The following ST7L variants were observed in gnomAD, a reference collection of about 807,000 sequenced individuals.
ST7L encodes the protein suppressor of tumorigenicity 7 protein-like.
In ST7L, 57 loss-of-function variants were observed where a neutral mutation model predicts 72.5. That is an observed-to-expected ratio of 0.79 (90% CI 0.64 to 0.98). The LOEUF is 0.98. Ranked by LOEUF, ST7L falls within the 50% of genes least tolerant of loss-of-function variation. The probability of loss-of-function intolerance (pLI) is 0.00; values close to 1 mark genes in which losing one functional copy is unlikely to be tolerated. For missense variants in ST7L, 576 were observed against 672.2 expected, an observed-to-expected ratio of 0.86 and a Z score of 1.58; for synonymous variants, 221 against 240.9, an observed-to-expected ratio of 0.92 and a Z score of 0.77.
At chr1:112,609,751 A>G (rs1668786799) in intron 3 of ST7L, among the ~76,000 whole-genome samples, 1 of 149,718 alleles carries the variant, frequency 6.7e-6, no homozygotes, top group Non-Finnish European at 1.5e-5. Context: ...TGAACTTGGA[A>G]GGAGAGGTTG....
chr1:112,618,694 C>A, intron 1 of ST7L: 2 of 1,009,686 alleles, frequency 2.0e-6, no homozygotes, highest in Non-Finnish European at 2.8e-6. Context: ...AGAGAGAGGG[C>A]GGACCTTAAG....
At chr1:112,542,393 A>G (rs1656249910) in intron 13 of ST7L, among the ~76,000 whole-genome samples, 1 of 152,094 alleles carries the variant, frequency 6.6e-6, no homozygotes, top group Admixed American at 6.6e-5. Flanking sequence ...TAGCTATGTG[A>G]TCTTGAATAA....
rs554500845 is a variant in ST7L at position 112,552,264 on chromosome 1, C to A, written c.1397-1571G>T. Among the ~76,000 whole-genome samples the A allele has an allele frequency of 1.0e-3, 83 of 82,390 alleles. No homozygotes were observed. The African/African-American group carries it at 0.011, about 11-fold the overall frequency. 54.1% of individuals were successfully genotyped at this position (82,390 alleles called of 152,430 possible). ...TGGCTGGAAATCTGTTTTTTTTCCC[C>A]CCGATCAACATTATAATGAAATAAT... On this transcript the variant is annotated intron_variant, in intron 12 of 14. Coordinates refer to ENST00000358039, the MANE Select transcript of ST7L (RefSeq NM_017744.5).
At chr1:112,618,734 A>C (rs913804125) in intron 1 of ST7L, 175 bp downstream of exon 1, 24 of 1,326,518 alleles carry the variant, frequency 1.8e-5, no homozygotes, top group Admixed American at 2.9e-5. Flanking sequence ...TAACGGCAGC[A>C]GGCTTGTCAA....
intron 1 of ST7L, 104 bp downstream of exon 1, chr1:112,618,805 C>T: frequency 1.4e-6 from 2 of 1,478,342 alleles, no homozygotes; most frequent in Non-Finnish European, 1.8e-6. Flanking sequence ...TCATCGACTC[C>T]TCAGAGGCCC....
intron 11 of ST7L, among the ~76,000 whole-genome samples, chr1:112,575,300 G>A (rs1662930027): frequency 6.6e-6 from 1 of 152,184 alleles, no homozygotes; most frequent in African/African-American, 2.4e-5. Context: ...AAGACTCCCA[G>A]TGGATATCTG....
intron 14 of ST7L, among the ~76,000 whole-genome samples, chr1:112,534,134 T>C (rs12728001): frequency 0.51 from 78,003 of 151,990 alleles, 20,444 homozygotes; most frequent in East Asian, 0.64. Context: ...TCCACATCAG[T>C]ATCTTCATTT....
At chr1:112,611,181 T>C (rs1454165006) in intron 2 of ST7L, among the ~76,000 whole-genome samples, 178 bp from the exon 3 acceptor site, 3 of 152,186 alleles carry the variant, frequency 2.0e-5, no homozygotes, top group African/African-American at 7.2e-5. Flanking sequence ...AAAAGTGAAA[T>C]ACATTTTTTA....
chr1:112,557,208 C>T (rs557514243), intron 11 of ST7L, among the ~76,000 whole-genome samples: 18 of 152,184 alleles, frequency 1.2e-4, no homozygotes, highest in African/African-American at 4.3e-4. Context: ...ATTTTCATCA[C>T]TTCAAAAGAA....
intron 5 of ST7L, among the ~76,000 whole-genome samples, chr1:112,596,375 T>C (rs1666482268): frequency 1.3e-5 from 2 of 152,224 alleles, no homozygotes; most frequent in Non-Finnish European, 2.9e-5. Context: ...AGTGTAGTGG[T>C]TAACAGCCAG....
At chr1:112,591,693 T>A (rs894732394) in intron 5 of ST7L, 90 bp from the exon 6 acceptor site, 1 of 837,314 alleles carries the variant, frequency 1.2e-6, no homozygotes. Context: ...AAGCAAAGCT[T>A]TAAATAATAT....
chr1:112,579,414 A>C (rs896722388), intron 9 of ST7L, among the ~76,000 whole-genome samples: 9 of 150,556 alleles, frequency 6.0e-5, no homozygotes, highest in South Asian at 2.1e-4. Context: ...TAAAAAAAAA[A>C]CCTGCTTATA....
chr1:112,531,546 C>T (rs1056451380), intron 14 of ST7L, among the ~76,000 whole-genome samples: 1 of 152,188 alleles, frequency 6.6e-6, no homozygotes, highest in Non-Finnish European at 1.5e-5. Flanking sequence ...TTTTGGGTCA[C>T]TATATCTTAC....
intron 11 of ST7L, among the ~76,000 whole-genome samples, chr1:112,568,889 A>ATATATATATATATATATATATATATAT (rs1553247624): frequency 8.7e-6 from 1 of 115,604 alleles, no homozygotes; most frequent in Non-Finnish European, 1.7e-5. Flanking sequence ...TATATATATA[A>ATATATATATATATATATATATATATAT]AACAAAAATT....
At chr1:112,608,145 C>A (rs894218716) in intron 3 of ST7L, among the ~76,000 whole-genome samples, 1 of 152,136 alleles carries the variant, frequency 6.6e-6, no homozygotes, top group Non-Finnish European at 1.5e-5. Flanking sequence ...CTCAGCCTCC[C>A]AAGTAGCTGG....
downstream of ST7L, chr1:112,520,169 C>A: frequency 1.8e-6 from 2 of 1,089,726 alleles, no homozygotes; most frequent in African/African-American, 1.5e-5. Context: ...AGCCACTGTG[C>A]CCAGCCCAAA....
intron 6 of ST7L, among the ~76,000 whole-genome samples, chr1:112,589,384 C>T (rs1665341665): frequency 6.6e-6 from 1 of 152,056 alleles, no homozygotes; most frequent in African/African-American, 2.4e-5. Flanking sequence ...CTACCACACC[C>T]AACCTGATTT....
At chr1:112,561,568 C>A (rs1660149903) in intron 11 of ST7L, among the ~76,000 whole-genome samples, 1 of 151,748 alleles carries the variant, frequency 6.6e-6, no homozygotes, top group Admixed American at 6.6e-5. Flanking sequence ...GCAACTTCTG[C>A]CTCCTGGGTT....
chr1:112,600,773 A>G, intron 4 of ST7L, 21 bp downstream of exon 4: 1 of 1,603,164 alleles, frequency 6.2e-7, no homozygotes, highest in Non-Finnish European at 8.5e-7. Flanking sequence ...CCCTACTTAT[A>G]CTGAAAGCAA....
Sources: allele counts gnomAD v4.1 joint callset (sites outside exome capture counted in the v4.1 genomes callset), GRCh38; gene constraint gnomAD v4.1.1; transcripts MANE v1.5; gene names NCBI Gene and HGNC (gene_info 2026-07-23, HGNC 2026-07-21).